Variants in CD72 observed in about 807,000 individuals in gnomAD.
CD72 encodes the protein B-cell differentiation antigen CD72.
In CD72, 28 loss-of-function variants were observed where a neutral mutation model predicts 50.7. The observed-to-expected ratio is 0.55, with a 90% CI of 0.41 to 0.76. The LOEUF (loss-of-function observed/expected upper bound fraction) is 0.76. Ranked by LOEUF, CD72 falls within the 30% of genes least tolerant of loss-of-function variation. The probability of loss-of-function intolerance (pLI) is 0.00; values close to 1 mark genes in which losing one functional copy is unlikely to be tolerated. For missense variants in CD72, 403 were observed against 420.6 expected (o/e 0.96, Z 0.37); for synonymous variants, 176 against 171.2 (o/e 1.03, Z -0.22).
intron 1 of CD72, among the ~76,000 whole-genome samples, chr9:35,625,992 C>G (rs1823194484): frequency 6.6e-6 from 1 of 151,992 alleles, no homozygotes; most frequent in African/African-American, 2.4e-5. Flanking sequence ...GTTTTCACGC[C>G]TAACTTCCAT....
intron 7 of CD72, among the ~76,000 whole-genome samples, chr9:35,611,056 CCTGA>C (rs1281293506): frequency 4.6e-5 from 7 of 152,168 alleles, no homozygotes; most frequent in African/African-American, 1.7e-4. Context: ...TCGAGACCAT[CCTGA>C]CTAACACGGT....
At chr9:35,616,849 G>T in intron 3 of CD72, 160 bp from the exon 4 acceptor site, 1 of 1,001,808 alleles carries the variant, frequency 1.0e-6, no homozygotes, top group Non-Finnish European at 1.5e-6. Flanking sequence ...CGGGTAGCGG[G>T]GTGTTTCGCA....
chr9:35,612,678 T>C (rs1247956422), intron 6 of CD72, 170 bp downstream of exon 6: 3 of 645,040 alleles, frequency 4.7e-6, no homozygotes, highest in South Asian at 2.0e-5. Flanking sequence ...GCTGAGAAGA[T>C]GCAGAGGTTG....
At chr9:35,644,214 C>T (rs1051801292) in intron 1 of CD72, among the ~76,000 whole-genome samples, 21 of 151,444 alleles carry the variant, frequency 1.4e-4, no homozygotes, top group African/African-American at 4.9e-4. Flanking sequence ...GGCATGGTGG[C>T]GAGTGCCTGT....
intron 4 of CD72, 124 bp downstream of exon 4, chr9:35,616,476 C>A: frequency 1.1e-6 from 1 of 950,290 alleles, no homozygotes; most frequent in Non-Finnish European, 1.7e-6. Flanking sequence ...GGCTGGAAAC[C>A]AAACCCAAAG....
intron 1 of CD72, among the ~76,000 whole-genome samples, chr9:35,640,353 GCTTCCAAGATGGTGGCA>G (rs1823327227): frequency 3.9e-5 from 6 of 152,282 alleles, no homozygotes; most frequent in South Asian, 4.1e-4. Flanking sequence ...GTGGTGAGCC[GCTTCCAAGATGGTGGCA>G]AGCCTTGTGT....
intron 7 of CD72, among the ~76,000 whole-genome samples, chr9:35,611,101 A>G (rs954865922): frequency 1.4e-4 from 21 of 152,210 alleles, no homozygotes; most frequent in African/African-American, 5.1e-4. Context: ...AATACAAAAA[A>G]TTAGCCGGGC....
At chr9:35,617,791 C>T (rs1255757401) in intron 2 of CD72, among the ~76,000 whole-genome samples, 1 of 152,184 alleles carries the variant, frequency 6.6e-6, no homozygotes, top group Non-Finnish European at 1.5e-5. Context: ...AGGGCCATGG[C>T]ATGGGGGCGC....
intron 1 of CD72, among the ~76,000 whole-genome samples, chr9:35,628,245 G>A (rs1313380096): frequency 2.0e-5 from 3 of 152,168 alleles, no homozygotes; most frequent in Non-Finnish European, 4.4e-5. Context: ...TGGGACTACA[G>A]GCACGTGTTA....
chr9:35,611,250 CAAAAA>C (rs749846765), intron 7 of CD72, among the ~76,000 whole-genome samples: 1 of 117,208 alleles, frequency 8.5e-6, no homozygotes, highest in East Asian at 2.4e-4. Flanking sequence ...GACTCCATCT[CAAAAA>C]AAAAAAAAAG....
chr9:35,611,841 T>G lies in CD72; in HGVS notation c.913A>C (p.Lys305Gln), dbSNP rs763680940. The G allele has an allele frequency of 6.2e-7, 1 of 1,612,370 alleles. No individual in the cohort carries two copies. The highest frequency in any genetic ancestry group is 1.1e-5 in the South Asian group (1 of 91,064). The stretch of plus-strand genomic sequence containing the variant: ...GTATCATCAGTCAACTTCCAATCCT[T>G]GTTAGAGCTGAGGCCAGTCCAATAT... Reference protein sequence around the residue: ...NSYWTGLSSNKDWKLTDDTQR... With the variant: ...NSYWTGLSSNQDWKLTDDTQR... The change falls in exon 7 of 9, where the codon AAG becomes CAG. Residue 305 changes from lysine to glutamine, a missense_variant. By Grantham distance (53) the Lys-to-Gln change is moderately conservative. Coordinates refer to ENST00000259633, the MANE Select transcript of CD72 (RefSeq NM_001782.3).
At chr9:35,632,211 T>C (rs1823252117) in intron 1 of CD72, among the ~76,000 whole-genome samples, 1 of 151,530 alleles carries the variant, frequency 6.6e-6, no homozygotes, top group African/African-American at 2.4e-5. Context: ...GGAGTATCGC[T>C]CTGTCACCCA....
intron 1 of CD72, among the ~76,000 whole-genome samples, chr9:35,631,558 C>G (rs1253000321): frequency 2.6e-5 from 4 of 152,106 alleles, no homozygotes; most frequent in Non-Finnish European, 4.4e-5. Flanking sequence ...ACAATTAAAT[C>G]TTGGAGCCTT....
At chr9:35,639,508 A>G (rs1159243853) in intron 1 of CD72, among the ~76,000 whole-genome samples, 1 of 152,242 alleles carries the variant, frequency 6.6e-6, no homozygotes, top group African/African-American at 2.4e-5. Context: ...AAGCAGCACA[A>G]CTGTCAAGGA....
chr9:35,616,420 G>A, intron 4 of CD72, 142 bp from the exon 5 acceptor site: 1 of 834,096 alleles, frequency 1.2e-6, no homozygotes, highest in African/African-American at 1.7e-5. Flanking sequence ...TAAAGCGTAA[G>A]GAGGTACTGG....
In CD72 at chr9:35,616,697, G is replaced by A; in HGVS notation, c.263-8C>T. On this transcript the variant is annotated splice_region_variant and splice_polypyrimidine_tract_variant and intron_variant, in intron 3 of 8. Coordinates refer to ENST00000259633, the MANE Select transcript of CD72 (RefSeq NM_001782.3). ...GCAGGCAGGTTGTGCGGCCTTAGGGGGACAGTGGGATGGATGAGGGCAGTC... is the reference window on the plus strand; with the variant it reads ...GCAGGCAGGTTGTGCGGCCTTAGGGAGACAGTGGGATGGATGAGGGCAGTC... The A allele has an allele frequency of 1.9e-6, 3 of 1,609,812 alleles. No individual in the cohort carries two copies. The highest frequency in any genetic ancestry group is 2.2e-5 in the South Asian group (2 of 90,922).
intron 1 of CD72, among the ~76,000 whole-genome samples, chr9:35,624,952 A>G (rs551510520): frequency 2.6e-5 from 4 of 152,254 alleles, no homozygotes; most frequent in South Asian, 4.1e-4. Flanking sequence ...CTGACTGGCT[A>G]TTCCCTGTCT....
chr9:35,611,669 A>G (rs1822986873), intron 7 of CD72, 135 bp downstream of exon 7: 1 of 596,768 alleles, frequency 1.7e-6, no homozygotes, highest in Non-Finnish European at 3.0e-6. Context: ...AATAGAGGAA[A>G]CAGACAAATA....
chr9:35,624,392 G>C (rs1823176259), upstream of CD72, among the ~76,000 whole-genome samples: 1 of 152,016 alleles, frequency 6.6e-6, no homozygotes, highest in Non-Finnish European at 1.5e-5. Context: ...AATTTAAGTG[G>C]GAAAATATGG....
Sources: allele counts gnomAD v4.1 joint callset (sites outside exome capture counted in the v4.1 genomes callset), GRCh38; gene constraint gnomAD v4.1.1; transcripts MANE v1.5; gene names NCBI Gene and HGNC (gene_info 2026-07-23, HGNC 2026-07-21).